Variants in PTPRG observed in about 807,000 individuals in gnomAD.
PTPRG encodes protein tyrosine phosphatase receptor type G, also known as receptor-type tyrosine-protein phosphatase gamma.
In PTPRG, 102 loss-of-function variants were observed where a neutral mutation model predicts 165.3. The ratio of observed to expected loss-of-function variants is 0.62; its 90% CI spans 0.53 to 0.73. PTPRG has a LOEUF of 0.73. PTPRG is among the 30% of genes least tolerant of loss of function. The pLI, the probability that PTPRG is intolerant of heterozygous loss-of-function variation, is 0.00. For missense variants in PTPRG, 1,866 were observed against 1,861.4 expected (o/e 1.00, Z -0.05); for synonymous variants, 675 against 669.5 (o/e 1.01, Z -0.13).
intron 2 of PTPRG, among the ~76,000 whole-genome samples, chr3:61,875,719 G>A (rs1347095798): frequency 6.6e-6 from 1 of 152,068 alleles, no homozygotes; most frequent in Non-Finnish European, 1.5e-5. Flanking sequence ...AGGTCTTTCT[G>A]TTCCTTTTAA....
At chr3:62,198,604 G>A (rs1291718412) in intron 10 of PTPRG, among the ~76,000 whole-genome samples, 1 of 152,124 alleles carries the variant, frequency 6.6e-6, no homozygotes, top group Non-Finnish European at 1.5e-5. Context: ...ACACAGGAAA[G>A]GAACCAATTA....
chr3:61,694,528 A>G (rs532355077), intron 1 of PTPRG, among the ~76,000 whole-genome samples: 50 of 152,326 alleles, frequency 3.3e-4, no homozygotes, highest in African/African-American at 1.2e-3. Flanking sequence ...AAATACGCAT[A>G]CTTTCTGACT....
intron 26 of PTPRG, among the ~76,000 whole-genome samples, chr3:62,279,945 T>G (rs1226040823): frequency 2.0e-5 from 3 of 152,062 alleles, no homozygotes; most frequent in Non-Finnish European, 4.4e-5. Flanking sequence ...GCTGATTGAT[T>G]AGGATACGTG....
At chr3:61,834,547 G>A (rs891910950) in intron 2 of PTPRG, among the ~76,000 whole-genome samples, 1 of 152,164 alleles carries the variant, frequency 6.6e-6, no homozygotes, top group African/African-American at 2.4e-5. Flanking sequence ...TGCCACGGTG[G>A]CTCATGCCTG....
At chr3:61,869,934 C>G (rs991991971) in intron 2 of PTPRG, among the ~76,000 whole-genome samples, 2 of 152,012 alleles carry the variant, frequency 1.3e-5, no homozygotes, top group African/African-American at 4.8e-5. Flanking sequence ...CACCTAAATG[C>G]TCCTTCTTGT....
At chr3:61,685,562 T>C (rs1703597343) in intron 1 of PTPRG, among the ~76,000 whole-genome samples, 1 of 152,204 alleles carries the variant, frequency 6.6e-6, no homozygotes, top group Non-Finnish European at 1.5e-5. Flanking sequence ...TACCCCTGAC[T>C]CCTTGCAGCC....
chr3:61,738,768 A>G (rs199528795), intron 1 of PTPRG, among the ~76,000 whole-genome samples: 19 of 150,010 alleles, frequency 1.3e-4, no homozygotes, highest in East Asian at 7.9e-4. Flanking sequence ...CTTAATGCTT[A>G]CTTCTTTATT....
chr3:62,185,666 G>A (rs1705849555), intron 8 of PTPRG, among the ~76,000 whole-genome samples: 1 of 152,200 alleles, frequency 6.6e-6, no homozygotes, highest in South Asian at 2.1e-4. Context: ...CCACTGCCAC[G>A]TGTGGATGCA....
At chr3:62,142,419 C>G (rs142794435) in intron 6 of PTPRG, among the ~76,000 whole-genome samples, 10 of 152,154 alleles carry the variant, frequency 6.6e-5, no homozygotes, top group Non-Finnish European at 1.3e-4. Flanking sequence ...TGGTCACACA[C>G]CCACACACCA....
At chr3:61,638,067 G>C (rs1244115836) in intron 1 of PTPRG, among the ~76,000 whole-genome samples, 1 of 152,196 alleles carries the variant, frequency 6.6e-6, no homozygotes, top group Admixed American at 6.5e-5. Context: ...AAAGGAGTCT[G>C]TTGTCCTTAG....
In PTPRG at chr3:61,643,259, G is replaced by A. The variant is rs941969808; in HGVS notation, c.85+80887G>A. On this transcript the variant is annotated intron_variant, in intron 1 of 29. Transcript: ENST00000474889. ...GGGAAACATAGCAAGACCCCATCTG[G>A]GGAGAGAGAGAGAGAGAAAGAGAGA... 4.0e-5 allele frequency among the ~76,000 whole-genome samples: 6 copies of A among 150,404 alleles called. No individual in the cohort carries two copies. The South Asian group carries it at 1.3e-3, about 31-fold the overall frequency.
At chr3:61,680,001 C>G (rs1215366968) in intron 1 of PTPRG, among the ~76,000 whole-genome samples, 2 of 152,174 alleles carry the variant, frequency 1.3e-5, no homozygotes, top group African/African-American at 4.8e-5. Context: ...CGATTGTCCC[C>G]TTAAGCAATT....
Position 61,589,749 on chromosome 3 carries a change from TCGGGTGG to T in PTPRG, c.85+27378_85+27384del, listed in dbSNP as rs1289975196. Among the ~76,000 whole-genome samples, 683 of 151,934 alleles carry T rather than the reference TCGGGTGG, an allele frequency of 4.5e-3. 4 individuals are homozygous for T. Among genetic ancestry groups the T allele is most frequent in the African/African-American group, 0.014 (571 of 41,430 alleles). On this transcript the variant is annotated intron_variant, in intron 1 of 29. Transcript: ENST00000474889. ...GTGGCAGCTGCTTAGTGAAGAGTTG[TCGGGTGG>T]ATGGATGAGTGGATGGGTAGATGGG...
chr3:61,573,112 TG>T (rs1309983064), intron 1 of PTPRG, among the ~76,000 whole-genome samples: 1 of 150,080 alleles, frequency 6.7e-6, no homozygotes, highest in African/African-American at 2.5e-5. Flanking sequence ...TTCACAGTCA[TG>T]TGTTGACTTC....
At chr3:61,926,236 TG>T (rs2039207898) in intron 2 of PTPRG, among the ~76,000 whole-genome samples, 1 of 152,130 alleles carries the variant, frequency 6.6e-6, no homozygotes, top group South Asian at 2.1e-4. Context: ...CATGTTCAGT[TG>T]TAGTACCCAG....
intron 2 of PTPRG, among the ~76,000 whole-genome samples, chr3:61,875,135 C>A (rs2037698512): frequency 2.6e-5 from 4 of 152,180 alleles, no homozygotes. Flanking sequence ...AGCTTTTGAT[C>A]CCTCTTCTCA....
At chr3:61,706,120 T>A (rs1035894751) in intron 1 of PTPRG, among the ~76,000 whole-genome samples, 42 of 152,248 alleles carry the variant, frequency 2.8e-4, no homozygotes, top group Middle Eastern at 3.4e-3. Flanking sequence ...ATGCTTGCCA[T>A]CTATCGACAC....
At chr3:62,285,303 CTCATTTATTGT>C (rs1702600012) in intron 28 of PTPRG, among the ~76,000 whole-genome samples, 1 of 152,004 alleles carries the variant, frequency 6.6e-6, no homozygotes, top group Non-Finnish European at 1.5e-5. Context: ...TGCTTTTTGT[CTCATTTATTGT>C]TCAAAGTCAT....
intron 2 of PTPRG, among the ~76,000 whole-genome samples, chr3:61,916,160 A>G (rs570673675): frequency 6.6e-6 from 1 of 152,348 alleles, no homozygotes; most frequent in African/African-American, 2.4e-5. Flanking sequence ...GAAGCTGAGG[A>G]AACAGTCTCC....
Sources: allele counts gnomAD v4.1 joint callset (sites outside exome capture counted in the v4.1 genomes callset), GRCh38; gene constraint gnomAD v4.1.1; transcripts MANE v1.5; gene names NCBI Gene and HGNC (gene_info 2026-07-23, HGNC 2026-07-21).